LRP2: variants seen among roughly 807,000 people sequenced by gnomAD.
LRP2 encodes LDL receptor related protein 2.
LRP2 carries 172 observed loss-of-function variants against 531.0 expected under a neutral mutation model. That is an observed-to-expected ratio of 0.32 (90% CI 0.29 to 0.37). The LOEUF (loss-of-function observed/expected upper bound fraction) is 0.37. Among genes scored for constraint, LRP2 ranks in the 10% least tolerant of loss-of-function variants. The pLI, the probability that LRP2 is intolerant of heterozygous loss-of-function variation, is 1.00. For missense variants in LRP2, 5,167 were observed against 5,868.3 expected, an observed-to-expected ratio of 0.88 and a Z score of 3.90; for synonymous variants, 1,992 against 2,027.6, an observed-to-expected ratio of 0.98 and a Z score of 0.47.
intron 1 of LRP2, among the ~76,000 whole-genome samples, chr2:169,350,892 GT>G (rs1685829825): frequency 6.6e-6 from 1 of 152,034 alleles, no homozygotes; most frequent in African/African-American, 2.4e-5. Flanking sequence ...GACATGTGAT[GT>G]TCTTTCCACC....
At position 169,179,015 on chromosome 2, in the gene LRP2, T is replaced by TTATG. The variant is rs1553490593; in HGVS notation, c.10170-990_10170-989insCATA. ...TTTATTTATTTATTTATTTATTTAT[T>TTATG]TATTTATTTATCTAGAGATAGTCTG... On this transcript the variant is annotated intron_variant, in intron 52 of 78. Coordinates refer to ENST00000649046, the MANE Select transcript of LRP2 (RefSeq NM_004525.3). 2.1e-4 allele frequency among the ~76,000 whole-genome samples: 32 copies of TTATG among 151,546 alleles called. 1 individual carries two copies. Among genetic ancestry groups the TTATG allele is most frequent in the African/African-American group, 7.3e-4 (30 of 41,224 alleles).
At chr2:169,230,604 T>C (rs1252280709) in intron 31 of LRP2, among the ~76,000 whole-genome samples, 2 of 152,356 alleles carry the variant, frequency 1.3e-5, no homozygotes, top group Non-Finnish European at 2.9e-5. Context: ...TTCATCAGTA[T>C]CAAAATATAT....
At chr2:169,236,977 G>A in intron 28 of LRP2, 126 bp downstream of exon 28, 1 of 788,810 alleles carries the variant, frequency 1.3e-6, no homozygotes, top group Non-Finnish European at 2.2e-6. Context: ...CACCTACCAT[G>A]TTTAAACAAG....
intron 68 of LRP2, among the ~76,000 whole-genome samples, chr2:169,147,633 T>C (rs891162154): frequency 1.3e-5 from 2 of 152,182 alleles, no homozygotes; most frequent in African/African-American, 4.8e-5. Context: ...TTTAAATATG[T>C]CTTTTGCATC....
chr2:169,206,464 C>G lies in LRP2; in HGVS notation c.7256G>C (p.Arg2419Thr). 1 of 1,614,130 alleles carries G rather than the reference C, an allele frequency of 6.2e-7. No homozygotes were observed. The highest frequency in any genetic ancestry group is 8.5e-7 in the Non-Finnish European group (1 of 1,180,020). ...SPPFQTINVERTVMSLDYDSV... is the reference protein window; with the variant it reads ...SPPFQTINVETTVMSLDYDSV... ...GTCATAGTCTAGAGACATGACAGTT[C>G]TTTCCACATTTATTGTTTGGAAAGG... Residue 2419 changes from arginine to threonine, a missense_variant, in exon 39 of 79, where the codon AGA (arginine) becomes ACA (threonine). Arg to Thr is a moderately conservative substitution (Grantham distance 71). Around this residue, in one of 6 missense-constraint regions of LRP2, gnomAD observed 2,811 missense variants for 3,058.0 expected, o/e 0.92. Coordinates refer to ENST00000649046, the MANE Select transcript of LRP2 (RefSeq NM_004525.3).
intron 77 of LRP2, among the ~76,000 whole-genome samples, chr2:169,132,257 C>T (rs1040930961): frequency 6.6e-6 from 1 of 152,172 alleles, no homozygotes; most frequent in African/African-American, 2.4e-5. Context: ...AATCTTTATT[C>T]ATACTGAGTC....
At chr2:169,196,868 C>G (rs777518265) in intron 46 of LRP2, 43 bp downstream of exon 46, 1 of 1,613,170 alleles carries the variant, frequency 6.2e-7, no homozygotes, top group Non-Finnish European at 8.5e-7. Context: ...CTGAAGTTGT[C>G]TAGCTGCATC....
intron 38 of LRP2, among the ~76,000 whole-genome samples, chr2:169,209,141 G>T (rs1211269443): frequency 6.6e-6 from 1 of 151,994 alleles, no homozygotes; most frequent in African/African-American, 2.4e-5. Context: ...TTCTAATGCA[G>T]AAATCAGGTG....
intron 1 of LRP2, among the ~76,000 whole-genome samples, chr2:169,339,012 A>C (rs1338628489): frequency 1.3e-5 from 2 of 152,178 alleles, no homozygotes; most frequent in Admixed American, 6.5e-5. Context: ...CATATCAGTA[A>C]GTGTTTAATA....
intron 77 of LRP2, among the ~76,000 whole-genome samples, chr2:169,131,976 T>A (rs1685307113): frequency 6.6e-6 from 1 of 152,204 alleles, no homozygotes. Context: ...CCTGCAGGCA[T>A]GTTTAAGAAG....
intron 1 of LRP2, among the ~76,000 whole-genome samples, chr2:169,326,306 A>G (rs1685057366): frequency 6.6e-6 from 1 of 150,508 alleles, no homozygotes; most frequent in Non-Finnish European, 1.5e-5. Flanking sequence ...GGCTCACTGC[A>G]ACCTCCCTGC....
At chr2:169,143,098 C>T (rs78751317) in intron 70 of LRP2, among the ~76,000 whole-genome samples, 446 of 152,234 alleles carry the variant, frequency 2.9e-3, no homozygotes, top group African/African-American at 0.01. Flanking sequence ...CACTGCCTAA[C>T]CTCAAAATCT....
chr2:169,146,028 T>C, intron 69 of LRP2, 105 bp from the exon 70 acceptor site: 1 of 1,030,738 alleles, frequency 9.7e-7, no homozygotes, highest in Admixed American at 1.9e-5. Flanking sequence ...CTTGAATTAT[T>C]CCCTCATACA....
chr2:169,141,542 G>T (rs1480767703), intron 71 of LRP2, among the ~76,000 whole-genome samples: 46 of 152,084 alleles, frequency 3.0e-4, no homozygotes. Flanking sequence ...CCAAACCGAG[G>T]CCCTATATGG....
intron 1 of LRP2, among the ~76,000 whole-genome samples, chr2:169,333,390 A>C (rs1685316306): frequency 6.6e-6 from 1 of 151,978 alleles, no homozygotes; most frequent in Non-Finnish European, 1.5e-5. Context: ...TAAACGAACT[A>C]TATATGATGT....
In LRP2 at chr2:169,127,258, T is replaced by G. The variant is rs1331; in HGVS notation, c.*1405A>C. The G allele has an allele frequency of 2.0e-5, 3 of 152,406 alleles. No individual in the cohort carries two copies. Among genetic ancestry groups the G allele is most frequent in the Non-Finnish European group, 4.4e-5 (3 of 68,030 alleles). 9.4% of individuals were successfully genotyped at this position (152,406 alleles called of 1,614,324 possible). A position where few individuals can be genotyped will look rare whatever the true frequency, so the allele number is the denominator to read the frequency against. On this transcript the variant is annotated 3_prime_UTR_variant, in exon 79 of 79. Coordinates refer to ENST00000649046, the MANE Select transcript of LRP2 (RefSeq NM_004525.3). ...AAATAATCAGTAGTATATGTTTCAT[T>G]CATTCATCCATCCATCCATCCATCC...
intron 1 of LRP2, among the ~76,000 whole-genome samples, chr2:169,333,380 T>C (rs535627521): frequency 6.6e-6 from 1 of 151,834 alleles, no homozygotes; most frequent in East Asian, 1.9e-4. Context: ...CTACCCTCAA[T>C]AAACGAACTA....
At chr2:169,340,716 C>A (rs138780401) in intron 1 of LRP2, among the ~76,000 whole-genome samples, 1 of 152,276 alleles carries the variant, frequency 6.6e-6, no homozygotes, top group Non-Finnish European at 1.5e-5. Flanking sequence ...AACCACCAGA[C>A]CAGCCTTCCA....
chr2:169,138,803 T>C, intron 74 of LRP2, 97 bp from the exon 75 acceptor site: 1 of 1,354,222 alleles, frequency 7.4e-7, no homozygotes, highest in South Asian at 1.2e-5. Flanking sequence ...CTCCTCCACA[T>C]TGCCAAATCT....
Sources: allele counts gnomAD v4.1 joint callset (sites outside exome capture counted in the v4.1 genomes callset), GRCh38; gene constraint gnomAD v4.1.1; regional missense constraint gnomAD v4.1.1; transcripts MANE v1.5; gene names NCBI Gene and HGNC (gene_info 2026-07-23, HGNC 2026-07-21).